Variants in KALRN observed in about 807,000 individuals in gnomAD.
KALRN encodes the protein kalirin RhoGEF kinase.
KALRN carries 70 observed loss-of-function variants against 353.7 expected under a neutral mutation model. The ratio of observed to expected loss-of-function variants is 0.20; its 90% CI spans 0.16 to 0.24. KALRN has a LOEUF of 0.24. KALRN is among the 10% of genes least tolerant of loss of function. KALRN has a pLI of 1.00. For synonymous variants in KALRN, 1,391 were observed against 1,434.8 expected (o/e 0.97, Z 0.69); for missense variants, 2,791 against 3,756.7 (o/e 0.74, Z 6.72).
chr3:124,208,978 A>ATCATC (rs1560235761), intron 1 of KALRN, among the ~76,000 whole-genome samples: 1 of 151,736 alleles, frequency 6.6e-6, no homozygotes, highest in Admixed American at 6.6e-5. Context: ...TAATAATAAT[A>ATCATC]ATAATAATCA....
chr3:124,196,934 G>A (rs774034807), intron 1 of KALRN, among the ~76,000 whole-genome samples: 1 of 152,146 alleles, frequency 6.6e-6, no homozygotes, highest in Non-Finnish European at 1.5e-5. Context: ...TGAGGAAATG[G>A]AGGCTTAAAT....
At chr3:124,647,436 C>T (rs2082901811) in intron 37 of KALRN, among the ~76,000 whole-genome samples, 1 of 152,180 alleles carries the variant, frequency 6.6e-6, no homozygotes, top group Non-Finnish European at 1.5e-5. Flanking sequence ...GTTCTTTCAC[C>T]CTATACTCAC....
chr3:124,547,126 T>A (rs1370983084), intron 33 of KALRN, among the ~76,000 whole-genome samples: 3 of 152,156 alleles, frequency 2.0e-5, no homozygotes, highest in African/African-American at 7.2e-5. Context: ...ACCTCTTTTT[T>A]AAATTCCATT....
At chr3:124,270,284 TC>T (rs1304096936) in intron 5 of KALRN, among the ~76,000 whole-genome samples, 1 of 152,178 alleles carries the variant, frequency 6.6e-6, no homozygotes, top group Non-Finnish European at 1.5e-5. Flanking sequence ...TGGTTTTCTG[TC>T]TTTTAAGAGC....
At chr3:124,321,010 T>C (rs116857364) in intron 6 of KALRN, among the ~76,000 whole-genome samples, 97 of 152,334 alleles carry the variant, frequency 6.4e-4, no homozygotes, top group East Asian at 2.9e-3. Flanking sequence ...ATTTTTCTTT[T>C]TGTTGTACTT....
chr3:124,364,178 C>T (rs78615358), intron 10 of KALRN, among the ~76,000 whole-genome samples: 8,113 of 152,240 alleles, frequency 0.053, 693 homozygotes, highest in African/African-American at 0.18. Flanking sequence ...TTCTTTTTCT[C>T]ATATGGAGGG....
intron 5 of KALRN, among the ~76,000 whole-genome samples, chr3:124,276,211 G>T (rs1022292790): frequency 6.6e-6 from 1 of 151,746 alleles, no homozygotes; most frequent in South Asian, 2.1e-4. Flanking sequence ...ATCACCATGA[G>T]AAAATCTACA....
At chr3:124,413,734 G>A (rs1320120755) in intron 14 of KALRN, 69 bp downstream of exon 14, 6 of 1,183,950 alleles carry the variant, frequency 5.1e-6, no homozygotes, top group African/African-American at 1.5e-5. Flanking sequence ...AGCCTGCAAG[G>A]AGCAGTGCCA....
intron 42 of KALRN, among the ~76,000 whole-genome samples, chr3:124,658,779 C>T (rs1275758307): frequency 1.3e-5 from 2 of 152,168 alleles, no homozygotes; most frequent in African/African-American, 4.8e-5. Context: ...AGCCTGAACA[C>T]AGAGATGGTT....
intron 1 of KALRN, among the ~76,000 whole-genome samples, chr3:124,192,006 T>A (rs1387795355): frequency 6.6e-6 from 1 of 152,224 alleles, no homozygotes. Flanking sequence ...TGGGAACCTG[T>A]GTGTTCAACA....
intron 34 of KALRN, among the ~76,000 whole-genome samples, chr3:124,563,640 G>A (rs1413134176): frequency 6.6e-6 from 1 of 152,186 alleles, no homozygotes; most frequent in Non-Finnish European, 1.5e-5. Flanking sequence ...AAGTATTCTA[G>A]CCTTGGCTTT....
intron 47 of KALRN, 100 bp downstream of exon 47, chr3:124,667,283 C>T (rs1244552987): frequency 9.4e-7 from 1 of 1,065,546 alleles, no homozygotes; most frequent in East Asian, 2.7e-5. Context: ...GAACCCAGAT[C>T]ACATTTTATA....
intron 9 of KALRN, among the ~76,000 whole-genome samples, chr3:124,339,887 A>T (rs2081511427): frequency 6.6e-6 from 1 of 152,214 alleles, no homozygotes; most frequent in Non-Finnish European, 1.5e-5. Context: ...TATTTCAAAT[A>T]AGATGACTTA....
At chr3:124,250,656 G>C (rs1408253039) in intron 3 of KALRN, among the ~76,000 whole-genome samples, 1 of 152,134 alleles carries the variant, frequency 6.6e-6, no homozygotes, top group Non-Finnish European at 1.5e-5. Context: ...TTTTCATATA[G>C]CCTGACTAAG....
At chr3:124,625,690 A>T (rs377649012) in intron 34 of KALRN, among the ~76,000 whole-genome samples, 23 of 131,498 alleles carry the variant, frequency 1.7e-4, no homozygotes, top group African/African-American at 7.9e-4. Flanking sequence ...TTGTACAATT[A>T]TATATCTATT....
intron 18 of KALRN, among the ~76,000 whole-genome samples, chr3:124,440,994 C>G (rs144420393): frequency 1.3e-5 from 2 of 152,102 alleles, no homozygotes; most frequent in African/African-American, 4.8e-5. Flanking sequence ...CTGCCACCCA[C>G]AGCTAATATG....
At chr3:124,323,196 G>A (rs2079528498) in intron 6 of KALRN, among the ~76,000 whole-genome samples, 1 of 152,200 alleles carries the variant, frequency 6.6e-6, no homozygotes, top group Admixed American at 6.5e-5. Context: ...CTTAGAGGTT[G>A]AAGGGGACTG....
chr3:124,487,153 T>C (rs1174958078), intron 28 of KALRN, among the ~76,000 whole-genome samples: 1 of 152,182 alleles, frequency 6.6e-6, no homozygotes, highest in Admixed American at 6.5e-5. Context: ...ACCATTCCCT[T>C]CTCAGTGTCA....
intron 1 of KALRN, among the ~76,000 whole-genome samples, chr3:124,101,694 T>C (rs2061875704): frequency 6.6e-6 from 1 of 152,158 alleles, no homozygotes; most frequent in South Asian, 2.1e-4. Flanking sequence ...GCCTGCAGCC[T>C]TTTTCTGGCT....
Sources: gnomAD v4.1 joint callset for allele counts (sites outside exome capture counted in the v4.1 genomes callset) on GRCh38, gnomAD v4.1.1 for gene constraint, MANE v1.5 for transcripts, NCBI Gene and HGNC (gene_info 2026-07-23, HGNC 2026-07-21) for gene names.